FGF13: variants seen among roughly 807,000 people sequenced by gnomAD.
FGF13 encodes the protein fibroblast growth factor homologous factor 2.
Under a neutral mutation model 19.5 loss-of-function variants are expected in FGF13, and 2 were observed. The ratio of observed to expected loss-of-function variants is 0.10; its 90% CI spans 0.04 to 0.32. FGF13 has a LOEUF of 0.32. Among genes scored for constraint, FGF13 ranks in the 10% least tolerant of loss-of-function variants. FGF13 has a pLI of 1.00. For missense variants in FGF13, 113 were observed against 192.7 expected (o/e 0.59, Z 2.45); for synonymous variants, 72 against 76.9 (o/e 0.94, Z 0.33).
intron 1 of FGF13, among the ~76,000 whole-genome samples, chrX:138,961,853 T>G (rs1048605335): frequency 2.4e-4 from 27 of 111,869 alleles, no homozygotes; most frequent in African/African-American, 8.8e-4. Flanking sequence ...CAAGATGGAT[T>G]AAAGACTTAA....
At chrX:139,070,778 A>G (rs2092373952) in intron 1 of FGF13, among the ~76,000 whole-genome samples, 1 of 112,327 alleles carries the variant, frequency 8.9e-6, no homozygotes, top group African/African-American at 3.2e-5. Flanking sequence ...AAAATGTGGC[A>G]CATATACACT....
chrX:138,820,567 A>G (rs1289803807), intron 3 of FGF13, among the ~76,000 whole-genome samples: 1 of 112,128 alleles, frequency 8.9e-6, no homozygotes, highest in Non-Finnish European at 1.9e-5. Flanking sequence ...AAAAAAACCT[A>G]TATTAATTAA....
chrX:138,951,894 G>T (rs2091814834), intron 1 of FGF13, among the ~76,000 whole-genome samples: 1 of 110,928 alleles, frequency 9.0e-6, no homozygotes, highest in African/African-American at 3.3e-5. Flanking sequence ...ATAAACAAGA[G>T]AAATGACAAA....
At chrX:138,911,207 A>G (rs2091585628) in intron 1 of FGF13, among the ~76,000 whole-genome samples, 1 of 111,786 alleles carries the variant, frequency 8.9e-6, no homozygotes, top group Non-Finnish European at 1.9e-5. Flanking sequence ...ACTTTGCCTG[A>G]GCGCACCTCC....
chrX:139,094,912 C>T (rs1284134894), intron 1 of FGF13, among the ~76,000 whole-genome samples: 1 of 112,059 alleles, frequency 8.9e-6, no homozygotes, highest in Non-Finnish European at 1.9e-5. Flanking sequence ...CCCTAAATGG[C>T]GCTGCCAATT....
At chrX:138,644,157 C>T (rs750954218) in intron 3 of FGF13, among the ~76,000 whole-genome samples, 1 of 112,438 alleles carries the variant, frequency 8.9e-6, no homozygotes, top group South Asian at 3.7e-4. Flanking sequence ...ATCCAACCAA[C>T]TGTCATGCAC....
At chrX:139,070,916 T>A (rs1216603573) in intron 1 of FGF13, among the ~76,000 whole-genome samples, 5 of 110,742 alleles carry the variant, frequency 4.5e-5, no homozygotes, top group Non-Finnish European at 9.4e-5. Flanking sequence ...ATGTTCTCAC[T>A]CATAAGTGGG....
At chrX:139,166,844 T>C (rs1328288137) in intron 1 of FGF13, among the ~76,000 whole-genome samples, 1 of 111,653 alleles carries the variant, frequency 9.0e-6, no homozygotes, top group Non-Finnish European at 1.9e-5. Context: ...CTTTTCCATA[T>C]GAAAATTTCA....
At chrX:138,771,895 G>A (rs1476228428) in intron 3 of FGF13, among the ~76,000 whole-genome samples, 1 of 108,228 alleles carries the variant, frequency 9.2e-6, no homozygotes, top group Non-Finnish European at 1.9e-5. Flanking sequence ...TGTTCTCTCT[G>A]CTTTAAGAGA....
rs1377374964 is a variant in FGF13 at position 138,631,657 on chromosome X, T to C, written c.*1193A>G. 2 of 112,664 alleles carry C rather than the reference T, an allele frequency of 1.8e-5. No individual in the cohort carries two copies. Among genetic ancestry groups the C allele is most frequent in the Non-Finnish European group, 3.8e-5 (2 of 53,297 alleles). The allele number at this position is 112,664 out of a possible 1,213,427, so 9.3% of individuals were successfully genotyped here. On this transcript the variant is annotated 3_prime_UTR_variant, in exon 5 of 5. Coordinates refer to ENST00000315930, the MANE Select transcript of FGF13 (RefSeq NM_004114.5). ...TTAAACAACTTTTTTAAACTTTTTG[T>C]GCACAGGACAGAAAACTGCCTGTAC... is the stretch of plus-strand genomic sequence containing the variant.
In FGF13 at chrX:138,711,040, C is replaced by T; in HGVS notation, c.-37G>A. 5.0e-6 allele frequency: 6 copies of T among 1,203,047 alleles called. No individual in the cohort carries two copies. The highest frequency in any genetic ancestry group is 6.7e-6 in the Non-Finnish European group (6 of 892,445). On this transcript the variant is annotated 5_prime_UTR_variant, in exon 1 of 5. Transcript: ENST00000315930. ...CCACCACCACCGCTTCTTTTGCTGC[C>T]CCTCTCTGGGTTCGCCTCCTCCTCC...
chrX:138,798,825 T>A (rs1413429467), intron 3 of FGF13, among the ~76,000 whole-genome samples: 5 of 112,412 alleles, frequency 4.4e-5, no homozygotes, highest in Non-Finnish European at 9.4e-5. Flanking sequence ...TTTATCCATT[T>A]CTTCTAGATT....
At chrX:138,741,784 G>T (rs1318613001), upstream of FGF13, among the ~76,000 whole-genome samples, 2 of 112,102 alleles carry the variant, frequency 1.8e-5, no homozygotes, top group Non-Finnish European at 3.8e-5. Context: ...CAATAGAAAG[G>T]CACAGAGAAT....
intron 3 of FGF13, among the ~76,000 whole-genome samples, chrX:138,843,860 T>G (rs2091165277): frequency 8.9e-6 from 1 of 111,924 alleles, no homozygotes; most frequent in Admixed American, 9.5e-5. Context: ...GCATTTGACC[T>G]TGGTGAGTGG....
In FGF13 at chrX:139,162,103, CA is replaced by C. The variant is rs1464045932; in HGVS notation, c.-113+41312del. The stretch of plus-strand genomic sequence containing the variant: ...CCTGTATAGGCAAGACAATCCTAAG[CA>C]AAAAGAACAAAGCTGGAGGCATCAC... On this transcript the variant is annotated intron_variant, in intron 1 of 2. Transcript: ENST00000421460. Among the ~76,000 whole-genome samples the C allele has an allele frequency of 7.1e-5, 8 of 112,126 alleles. No individual in the cohort carries two copies. The East Asian group carries it at 2.2e-3, about 31-fold the overall frequency.
intron 3 of FGF13, among the ~76,000 whole-genome samples, chrX:138,649,085 A>G (rs1001024094): frequency 8.9e-6 from 1 of 111,942 alleles, no homozygotes; most frequent in Non-Finnish European, 1.9e-5. Flanking sequence ...ATTTGCATTT[A>G]GTCTTAGCGC....
chrX:139,172,381 T>C (rs2084140735), intron 1 of FGF13, among the ~76,000 whole-genome samples: 1 of 111,570 alleles, frequency 9.0e-6, no homozygotes, highest in South Asian at 3.7e-4. Flanking sequence ...CCTTGTTTCC[T>C]GATTCAAATA....
intron 3 of FGF13, among the ~76,000 whole-genome samples, chrX:138,690,949 A>G (rs1304919125): frequency 2.7e-5 from 3 of 111,526 alleles, no homozygotes; most frequent in Non-Finnish European, 5.7e-5. Flanking sequence ...GACAGTATGA[A>G]TGGATCAACA....
intron 1 of FGF13, among the ~76,000 whole-genome samples, chrX:139,063,652 C>A (rs993484841): frequency 9.0e-6 from 1 of 111,504 alleles, no homozygotes; most frequent in Non-Finnish European, 1.9e-5. Context: ...TTTGTTTTCT[C>A]CTATAATCTA....
Sources: allele counts gnomAD v4.1 joint callset (sites outside exome capture counted in the v4.1 genomes callset), GRCh38; gene constraint gnomAD v4.1.1; transcripts MANE v1.5; gene names NCBI Gene and HGNC (gene_info 2026-07-23, HGNC 2026-07-21).